The following ODAD2 variants were observed in gnomAD, a reference collection of about 807,000 sequenced individuals.
The protein encoded by ODAD2 is outer dynein arm-docking complex subunit 2.
Under a neutral mutation model 106.8 loss-of-function variants are expected in ODAD2, and 89 were observed. The observed-to-expected ratio is 0.83, with a 90% CI of 0.70 to 0.99. ODAD2 has a LOEUF of 0.99. Among genes scored for constraint, ODAD2 ranks in the 50% least tolerant of loss-of-function variants. The pLI is 0.00. For missense variants in ODAD2, 1,168 were observed against 1,238.5 expected, an observed-to-expected ratio of 0.94 and a Z score of 0.85; for synonymous variants, 404 against 436.2, an observed-to-expected ratio of 0.93 and a Z score of 0.92.
chr10:27,981,549 CAT>C lies in ODAD2; in HGVS notation c.851_852del (p.Tyr284Ter). On this transcript the variant is annotated frameshift_variant, in exon 7 of 20. Transcript: ENST00000305242. LOFTEE classifies it high-confidence loss of function. ...TTTTTATAAATTGAACCTTTTCTCT[CAT>C]AATTAACGTCCCCTTCATCATCTGT... is the stretch of plus-strand genomic sequence containing the variant. ...GKTDDEGDVNYERKGSIYKNL... is the reference protein window; with the variant it reads ...GKTDDEGDVNXERKGSIYKNL... 6.5e-7 allele frequency: 1 copy of C among 1,542,052 alleles called. No homozygotes were observed. The highest frequency in any genetic ancestry group is 8.6e-7 in the Non-Finnish European group (1 of 1,157,760).
rs1228241061 is a variant in ODAD2 at position 27,939,982 on chromosome 10, G to T, written c.2012C>A (p.Ala671Glu). ...GACAAGGTTTTCAATGATCCTTTCT[G>T]CTTTGATTGCAGCCCGGTAGTTTTC... Reference protein sequence around the residue: ...SEENYRAAIKAERIIENLVKN... With the variant: ...SEENYRAAIKEERIIENLVKN... The change falls in exon 14 of 20, where the codon GCA (alanine) becomes GAA (glutamate). Residue 671 changes from alanine (A) to glutamate (E), a missense_variant. By Grantham distance (107) the Ala-to-Glu change is moderately radical. Around this residue, in one of 3 missense-constraint regions of ODAD2, gnomAD observed 701 missense variants for 712.3 expected, o/e 0.98. Coordinates refer to ENST00000305242, the MANE Select transcript of ODAD2 (RefSeq NM_018076.5). 1 of 1,609,534 alleles carries T rather than the reference G, an allele frequency of 6.2e-7. No homozygotes were observed. The highest frequency in any genetic ancestry group is 8.5e-7 in the Non-Finnish European group (1 of 1,178,112).
chr10:27,939,734 T>A (rs555550625), intron 14 of ODAD2, among the ~76,000 whole-genome samples, 163 bp downstream of exon 14: 2 of 151,734 alleles, frequency 1.3e-5, no homozygotes, highest in Admixed American at 6.6e-5. Context: ...CAAGACCCTA[T>A]CTCTAAAAAA....
intron 17 of ODAD2, among the ~76,000 whole-genome samples, chr10:27,869,334 G>T (rs73604088): frequency 0.022 from 3,361 of 151,448 alleles, 145 homozygotes; most frequent in African/African-American, 0.077. Flanking sequence ...TCTACAATAG[G>T]GCACATTTTA....
At chr10:27,909,673 T>C (rs1346884554) in intron 16 of ODAD2, among the ~76,000 whole-genome samples, 1 of 151,822 alleles carries the variant, frequency 6.6e-6, no homozygotes, top group African/African-American at 2.4e-5. Context: ...CAAAAATTAG[T>C]CAGGCTTGGT....
At chr10:27,858,338 T>C (rs534289770) in intron 19 of ODAD2, among the ~76,000 whole-genome samples, 2 of 152,274 alleles carry the variant, frequency 1.3e-5, no homozygotes, top group Admixed American at 6.5e-5. Context: ...AATCTCCAGG[T>C]TGCATATTTC....
chr10:27,987,257 A>T, intron 3 of ODAD2, 129 bp downstream of exon 3: 2 of 760,562 alleles, frequency 2.6e-6, no homozygotes, highest in Non-Finnish European at 4.1e-6. Flanking sequence ...TGTACATTTG[A>T]CTTTTTACCT....
At chr10:27,984,433 A>G (rs55716902) in intron 4 of ODAD2, 143 bp from the exon 5 acceptor site, 20 of 610,388 alleles carry the variant, frequency 3.3e-5, no homozygotes, top group Non-Finnish European at 5.5e-5. Flanking sequence ...ATTTTATAAC[A>G]GCACTGTCAA....
rs776309340 is a variant in ODAD2 at position 27,924,013 on chromosome 10, A to AGAAAGAAAGG, written c.2495+10996_2495+10997insCCTTTCTTTC. Among the ~76,000 whole-genome samples the AGAAAGAAAGG allele has an allele frequency of 3.7e-3, 403 of 109,696 alleles. 20 individuals are homozygous for AGAAAGAAAGG. Among genetic ancestry groups the AGAAAGAAAGG allele is most frequent in the East Asian group, 0.021 (77 of 3,652 alleles). 72.0% of individuals were successfully genotyped at this position (109,696 alleles called of 152,430 possible). A position where few individuals can be genotyped will look rare whatever the true frequency, so the allele number is the denominator to read the frequency against. Reference sequence around the variant, plus strand: ...AAGAAAGAAAGAAAGAAAGAAAGAAAGAAAGAAAGAAGGAAAGAGAAAGAA... The same window carrying AGAAAGAAAGG: ...AAGAAAGAAAGAAAGAAAGAAAGAAAGAAAGAAAGGGAAAGAAAGAAGGAAAGAGAAAGAA... On this transcript the variant is annotated intron_variant, in intron 16 of 19. Coordinates refer to ENST00000305242, the MANE Select transcript of ODAD2 (RefSeq NM_018076.5).
At chr10:27,986,590 A>G (rs1472998878) in intron 3 of ODAD2, among the ~76,000 whole-genome samples, 4 of 152,176 alleles carry the variant, frequency 2.6e-5, no homozygotes, top group Admixed American at 6.5e-5. Flanking sequence ...TAAAAGTAAA[A>G]AAAAGACCAT....
chr10:27,976,757 C>A (rs1849215529), intron 7 of ODAD2, among the ~76,000 whole-genome samples: 1 of 152,102 alleles, frequency 6.6e-6, no homozygotes, highest in Admixed American at 6.6e-5. Context: ...CTCTAATATT[C>A]TTATGGACAT....
intron 17 of ODAD2, among the ~76,000 whole-genome samples, chr10:27,891,894 G>C (rs193242966): frequency 6.6e-6 from 1 of 151,924 alleles, no homozygotes; most frequent in Admixed American, 6.6e-5. Context: ...TAATGTTCAC[G>C]GAGCACAAAT....
intron 7 of ODAD2, among the ~76,000 whole-genome samples, chr10:27,980,461 T>C (rs1178889403): frequency 1.3e-5 from 2 of 152,050 alleles, no homozygotes; most frequent in Non-Finnish European, 2.9e-5. Context: ...ATATTGGGTA[T>C]ATACAAAAAC....
intron 10 of ODAD2, among the ~76,000 whole-genome samples, chr10:27,954,870 A>G (rs1054461334): frequency 3.3e-5 from 5 of 152,256 alleles, no homozygotes; most frequent in African/African-American, 1.2e-4. Context: ...ACACATTACC[A>G]GTAATCCAAA....
In ODAD2 at chr10:27,940,699, C is replaced by A. The variant is rs754364124; in HGVS notation, c.1850G>T (p.Ser617Ile). The A allele has an allele frequency of 2.5e-6, 4 of 1,614,034 alleles. No individual in the cohort carries two copies. In the African/African-American group the frequency reaches 5.3e-5, roughly 22 times the overall value. The change falls in exon 13 of 20, where the codon AGC (serine) becomes ATC (isoleucine). Residue 617 changes from serine to isoleucine, a missense_variant. This residue lies in a region of ODAD2 where 701 missense variants were observed against 712.3 expected (regional missense o/e 0.98). Coordinates refer to ENST00000305242, the MANE Select transcript of ODAD2 (RefSeq NM_018076.5). ...TTTATTCGTATGACTCTTACTGCAG[C>A]TCCACAGGGCCAGTGCCCCACAGCG... ...VARCGALALW[S>I]CSKSHTNKEA...
chr10:27,923,576 A>G (rs539856529), intron 16 of ODAD2, among the ~76,000 whole-genome samples: 4 of 152,276 alleles, frequency 2.6e-5, no homozygotes, highest in Non-Finnish European at 5.9e-5. Context: ...TTCACACAAA[A>G]TAATAAGATA....
intron 19 of ODAD2, among the ~76,000 whole-genome samples, chr10:27,818,798 T>C (rs1836359212): frequency 6.6e-6 from 1 of 152,098 alleles, no homozygotes; most frequent in African/African-American, 2.4e-5. Context: ...TGGAAAGAAG[T>C]GAAATAAAGT....
intron 9 of ODAD2, among the ~76,000 whole-genome samples, chr10:27,962,107 G>A (rs1330839136): frequency 6.6e-6 from 1 of 152,064 alleles, no homozygotes; most frequent in Non-Finnish European, 1.5e-5. Context: ...TGCATGAGGT[G>A]AATAAACCTG....
Position 27,936,657 on chromosome 10 carries a change from G to C in ODAD2, c.2252+69C>G. The stretch of plus-strand genomic sequence containing the variant: ...TTAGAATTGACTCCTTACTAGAATG[G>C]CATTAAATGACAAGAAGGTGTTTCA... On this transcript the variant is annotated intron_variant, in intron 15 of 19. Coordinates refer to ENST00000305242, the MANE Select transcript of ODAD2 (RefSeq NM_018076.5). 5 of 1,525,818 alleles carry C rather than the reference G, an allele frequency of 3.3e-6. No individual in the cohort carries two copies. The South Asian group carries it at 5.6e-5, about 17-fold the overall frequency. The allele number at this position is 1,525,818 out of a possible 1,614,324, so 94.5% of individuals were successfully genotyped here.
In ODAD2 at chr10:27,847,348, A is replaced by G. The variant is rs1166611707; in HGVS notation, c.3021+13277T>C. Among the ~76,000 whole-genome samples, 709 of 150,480 alleles carry G rather than the reference A, an allele frequency of 4.7e-3. 9 individuals are homozygous for G. Among genetic ancestry groups the G allele is most frequent in the African/African-American group, 0.016 (647 of 39,834 alleles). ...CACATGATTATCTCAATAGATGCAG[A>G]AAAGGCCTTTGACAAAATTCAACAG... On this transcript the variant is annotated intron_variant, in intron 19 of 19. Coordinates refer to ENST00000305242, the MANE Select transcript of ODAD2 (RefSeq NM_018076.5).
Sources: gnomAD v4.1 joint callset for allele counts (sites outside exome capture counted in the v4.1 genomes callset) on GRCh38, gnomAD v4.1.1 for gene constraint, gnomAD v4.1.1 regional missense constraint, MANE v1.5 for transcripts, NCBI Gene and HGNC (gene_info 2026-07-23, HGNC 2026-07-21) for gene names.